The following NTNG1 variants were observed in gnomAD, a reference collection of about 807,000 sequenced individuals.
The protein encoded by NTNG1 is netrin-G1.
NTNG1 carries 16 observed loss-of-function variants against 54.0 expected under a neutral mutation model. The ratio of observed to expected loss-of-function variants is 0.30; its 90% CI spans 0.20 to 0.45. NTNG1 has a LOEUF of 0.45. Among genes scored for constraint, NTNG1 ranks in the 20% least tolerant of loss-of-function variants. The pLI is 1.00. For missense variants in NTNG1, 530 were observed against 678.7 expected, an observed-to-expected ratio of 0.78 and a Z score of 2.43; for synonymous variants, 255 against 263.1, an observed-to-expected ratio of 0.97 and a Z score of 0.30.
chr1:107,458,546 T>C (rs1483178151), intron 7 of NTNG1, among the ~76,000 whole-genome samples: 1 of 152,166 alleles, frequency 6.6e-6, no homozygotes, highest in Non-Finnish European at 1.5e-5. Context: ...ATTTGAGACA[T>C]GGACAGAAAT....
chr1:107,191,402 C>A (rs1214290696), intron 2 of NTNG1, among the ~76,000 whole-genome samples: 1 of 152,016 alleles, frequency 6.6e-6, no homozygotes, highest in East Asian at 1.9e-4. Flanking sequence ...ATGGTAGTTT[C>A]TTTTGCTGTG....
Position 107,258,183 on chromosome 1 carries a change from G to T in NTNG1, c.247-66099G>T, listed in dbSNP as rs141666459. ...TCATTAAACTGAATGCTCTTACTCG[G>T]ATTATTTTTTTTTATTTAATGTTTT... On this transcript the variant is annotated intron_variant, in intron 2 of 7. Transcript: ENST00000370068. Among the ~76,000 whole-genome samples, 81 of 151,288 alleles carry T rather than the reference G, an allele frequency of 5.4e-4. 1 individual carries two copies. The highest frequency in any genetic ancestry group is 7.0e-3 in the Middle Eastern group (2 of 286).
intron 7 of NTNG1, among the ~76,000 whole-genome samples, chr1:107,463,543 T>G (rs1677410980): frequency 6.6e-6 from 1 of 152,116 alleles, no homozygotes; most frequent in Non-Finnish European, 1.5e-5. Flanking sequence ...TGGTTTTTTT[T>G]TTTCACTTGT....
chr1:107,245,874 A>G lies in NTNG1; in HGVS notation c.247-78408A>G, dbSNP rs17018660. On this transcript the variant is annotated intron_variant, in intron 2 of 7. Transcript: ENST00000370068. ...ATTGTTCTATTACATGTTATAATGA[A>G]TAAACAGCCTCATTTAAAGCCAGAA... 1.4e-3 allele frequency among the ~76,000 whole-genome samples: 215 copies of G among 152,350 alleles called. 2 individuals carry two copies. In the East Asian group the frequency reaches 0.036, roughly 26 times the overall value.
At chr1:107,174,417 C>G (rs1319157755) in intron 2 of NTNG1, among the ~76,000 whole-genome samples, 2 of 151,980 alleles carry the variant, frequency 1.3e-5, no homozygotes, top group Non-Finnish European at 2.9e-5. Context: ...CTACTTAATT[C>G]TTTATTTTCT....
chr1:107,464,152 G>T (rs1017943959), intron 7 of NTNG1, among the ~76,000 whole-genome samples: 2 of 152,044 alleles, frequency 1.3e-5, no homozygotes, highest in Non-Finnish European at 2.9e-5. Context: ...AAAAAACCTT[G>T]TTGCCCATCT....
At chr1:107,197,107 T>C (rs901950497) in intron 2 of NTNG1, among the ~76,000 whole-genome samples, 1 of 151,368 alleles carries the variant, frequency 6.6e-6, no homozygotes, top group African/African-American at 2.4e-5. Context: ...ATGTGAAACA[T>C]TTTAACTGAG....
chr1:107,264,307 C>A (rs1224005177), intron 2 of NTNG1, among the ~76,000 whole-genome samples: 1 of 152,154 alleles, frequency 6.6e-6, no homozygotes. Context: ...TGACCTCCCA[C>A]ACAATTTGTT....
intron 2 of NTNG1, among the ~76,000 whole-genome samples, chr1:107,280,157 C>CTTTTTT (rs59501395): frequency 7.7e-5 from 8 of 103,942 alleles, no homozygotes; most frequent in Non-Finnish European, 1.3e-4. Flanking sequence ...CGGTGCTAAC[C>CTTTTTT]TTTTTTTTTT....
chr1:107,215,502 T>G (rs918930675), intron 2 of NTNG1, among the ~76,000 whole-genome samples: 1 of 152,214 alleles, frequency 6.6e-6, no homozygotes, highest in African/African-American at 2.4e-5. Flanking sequence ...TGCCTGTTTT[T>G]ATACCAGTAC....
In NTNG1 at chr1:107,148,169, G is replaced by A. The variant is rs1190849500; in HGVS notation, c.-425G>A. On this transcript the variant is annotated 5_prime_UTR_variant, in exon 2 of 8. Coordinates refer to ENST00000370068, the MANE Select transcript of NTNG1 (RefSeq NM_001113226.3). The stretch of plus-strand genomic sequence containing the variant: ...GATACTGATATCTCAGCCTGCTTGA[G>A]CATCCCTTGTGAGCTGTGAACATTG... 6.3e-6 allele frequency: 1 copy of A among 158,624 alleles called. No individual in the cohort carries two copies. Among genetic ancestry groups the A allele is most frequent in the East Asian group, 1.8e-4 (1 of 5,424 alleles). The allele number at this position is 158,624 out of a possible 1,614,324, so 9.8% of individuals were successfully genotyped here. A position where few individuals can be genotyped will look rare whatever the true frequency, so the allele number is the denominator to read the frequency against.
At chr1:107,390,915 T>C (rs1379193457) in intron 3 of NTNG1, among the ~76,000 whole-genome samples, 1 of 152,184 alleles carries the variant, frequency 6.6e-6, no homozygotes, top group Non-Finnish European at 1.5e-5. Flanking sequence ...GGTTTTATTA[T>C]GCAACCAGCC....
intron 3 of NTNG1, among the ~76,000 whole-genome samples, chr1:107,354,869 A>G (rs1025436123): frequency 2.6e-5 from 4 of 152,078 alleles, no homozygotes; most frequent in Non-Finnish European, 4.4e-5. Context: ...AGTAATAAAC[A>G]CTTCAGTTTT....
chr1:107,295,017 C>G (rs1029771660), intron 2 of NTNG1, among the ~76,000 whole-genome samples: 2 of 152,146 alleles, frequency 1.3e-5, no homozygotes, highest in Non-Finnish European at 2.9e-5. Flanking sequence ...TTTGCAAATT[C>G]CATTTATGTT....
intron 3 of NTNG1, among the ~76,000 whole-genome samples, chr1:107,391,298 G>A (rs1451204786): frequency 3.9e-5 from 6 of 152,150 alleles, no homozygotes; most frequent in African/African-American, 1.4e-4. Context: ...TATTCCAGAA[G>A]TGACCCAAAA....
At chr1:107,231,141 G>A (rs762354492) in intron 2 of NTNG1, among the ~76,000 whole-genome samples, 15 of 152,130 alleles carry the variant, frequency 9.9e-5, no homozygotes, top group South Asian at 2.1e-4. Context: ...CAGATTTTAC[G>A]CAGAGATGAT....
chr1:107,376,094 T>C (rs976085355), intron 3 of NTNG1, among the ~76,000 whole-genome samples: 2 of 152,254 alleles, frequency 1.3e-5, no homozygotes, highest in East Asian at 1.9e-4. Flanking sequence ...TTTACTCTTA[T>C]TGACTTATTT....
intron 2 of NTNG1, among the ~76,000 whole-genome samples, chr1:107,308,896 A>T (rs928691685): frequency 6.6e-6 from 1 of 152,142 alleles, no homozygotes; most frequent in Admixed American, 6.5e-5. Context: ...TTTTGTGGAA[A>T]TTGTGCATGG....
chr1:107,262,194 T>C (rs1332661934), intron 2 of NTNG1, among the ~76,000 whole-genome samples: 1 of 152,220 alleles, frequency 6.6e-6, no homozygotes, highest in African/African-American at 2.4e-5. Context: ...TTCAAAGCCG[T>C]TACACATGTA....
Sources: gnomAD v4.1 joint callset for allele counts (sites outside exome capture counted in the v4.1 genomes callset) on GRCh38, gnomAD v4.1.1 for gene constraint, MANE v1.5 for transcripts, NCBI Gene and HGNC (gene_info 2026-07-23, HGNC 2026-07-21) for gene names.